The following TMEM135 variants were observed in gnomAD, a reference collection of about 807,000 sequenced individuals.
TMEM135 encodes transmembrane protein 135.
TMEM135 carries 30 observed loss-of-function variants against 60.3 expected under a neutral mutation model. That is an observed-to-expected ratio of 0.50 (90% CI 0.37 to 0.68). The LOEUF (loss-of-function observed/expected upper bound fraction) is 0.68. Ranked by LOEUF, TMEM135 falls within the 30% of genes least tolerant of loss-of-function variation. TMEM135 has a pLI of 0.00. For synonymous variants in TMEM135, 190 were observed against 186.7 expected, an observed-to-expected ratio of 1.02 and a Z score of -0.14; for missense variants, 468 against 548.8, an observed-to-expected ratio of 0.85 and a Z score of 1.47.
intron 7 of TMEM135, among the ~76,000 whole-genome samples, chr11:87,298,510 T>A (rs139745745): frequency 4.6e-5 from 7 of 152,278 alleles, no homozygotes; most frequent in Non-Finnish European, 7.4e-5. Context: ...TCCTTCAGGC[T>A]GGGCATGGTA....
Position 87,318,180 on chromosome 11 carries a change from T to C in TMEM135, c.1121T>C (p.Phe374Ser). The change falls in exon 13 of 15, where the codon TTT becomes TCT. Residue 374 changes from phenylalanine to serine, a missense_variant. Phe to Ser is a radical substitution (Grantham distance 155, BLOSUM62 -2). Transcript: ENST00000305494. ...ATTGAAGCAGGGAAGGTTCCCTATT[T>C]TCCTCATGCAGATACTATCATCTAT... ...KGIEAGKVPY[F>S]PHADTIIYSI... The C allele has an allele frequency of 6.2e-7, 1 of 1,612,968 alleles. No homozygotes were observed. The highest frequency in any genetic ancestry group is 2.2e-5 in the East Asian group (1 of 44,826).
intron 5 of TMEM135, among the ~76,000 whole-genome samples, chr11:87,165,585 C>G (rs1939013087): frequency 6.7e-6 from 1 of 149,150 alleles, no homozygotes; most frequent in Non-Finnish European, 1.5e-5. Context: ...CCCTCTTTTT[C>G]TATTGATTGG....
chr11:87,057,880 C>G (rs563448497), intron 1 of TMEM135, among the ~76,000 whole-genome samples: 18 of 151,886 alleles, frequency 1.2e-4, no homozygotes, highest in African/African-American at 4.4e-4. Flanking sequence ...ATGCCAAGAT[C>G]TGCAGTTGGC....
At chr11:87,306,486 A>T (rs1358330483) in intron 9 of TMEM135, among the ~76,000 whole-genome samples, 1 of 151,768 alleles carries the variant, frequency 6.6e-6, no homozygotes, top group African/African-American at 2.4e-5. Flanking sequence ...TTTTTAAGCC[A>T]TTGAGATAAC....
At chr11:87,249,598 C>G (rs1012879593) in intron 6 of TMEM135, among the ~76,000 whole-genome samples, 4 of 151,972 alleles carry the variant, frequency 2.6e-5, no homozygotes, top group Non-Finnish European at 5.9e-5. Context: ...TAACTTTTCT[C>G]TTAGTACTGC....
chr11:87,321,828 A>G lies in TMEM135; in HGVS notation c.*495A>G, dbSNP rs1162702795. The G allele has an allele frequency of 2.2e-6, 1 of 454,472 alleles. No homozygotes were observed. The highest frequency in any genetic ancestry group is 4.4e-6 in the Non-Finnish European group (1 of 226,756). The allele number at this position is 454,472 out of a possible 1,614,324, so 28.2% of individuals were successfully genotyped here. ...TAGTGGAATGTTATAGATTTGAAGT[A>G]ACTCTCCACGGACAGTGCTGCTTTC... On this transcript the variant is annotated 3_prime_UTR_variant, in exon 15 of 15. Transcript: ENST00000305494.
In TMEM135 at chr11:87,287,131, G is replaced by A. The variant is rs533536529; in HGVS notation, c.510-8651G>A. ...ACACTTTACTCCAATTGAATAATTT[G>A]AGGTAGATGATGTAAAATGCTGAAT... On this transcript the variant is annotated intron_variant, in intron 6 of 14. Coordinates refer to ENST00000305494, the MANE Select transcript of TMEM135 (RefSeq NM_022918.4). Among the ~76,000 whole-genome samples, 48 of 152,258 alleles carry A rather than the reference G, an allele frequency of 3.2e-4. 1 individual carries two copies. In the South Asian group the frequency reaches 7.9e-3, roughly 25 times the overall value.
At chr11:87,246,617 G>C (rs1941278070) in intron 6 of TMEM135, among the ~76,000 whole-genome samples, 1 of 151,146 alleles carries the variant, frequency 6.6e-6, no homozygotes, top group African/African-American at 2.4e-5. Flanking sequence ...TTCCATCACT[G>C]ATACCCTTTT....
chr11:87,261,213 G>A (rs1011234533), intron 6 of TMEM135, among the ~76,000 whole-genome samples: 2 of 152,012 alleles, frequency 1.3e-5, no homozygotes, highest in African/African-American at 4.8e-5. Flanking sequence ...AAGATTATCA[G>A]GTCTCTTTCC....
intron 5 of TMEM135, among the ~76,000 whole-genome samples, chr11:87,220,589 T>A (rs1012520219): frequency 6.6e-6 from 1 of 152,216 alleles, no homozygotes; most frequent in African/African-American, 2.4e-5. Context: ...TCATCTCATT[T>A]CTAACTTTGT....
At chr11:87,177,367 A>G (rs1166879464) in intron 5 of TMEM135, among the ~76,000 whole-genome samples, 1 of 152,128 alleles carries the variant, frequency 6.6e-6, no homozygotes, top group Non-Finnish European at 1.5e-5. Context: ...TGACTGTTGC[A>G]TTTAATAAGT....
At chr11:87,221,324 G>A (rs545028345) in intron 5 of TMEM135, among the ~76,000 whole-genome samples, 25 of 152,196 alleles carry the variant, frequency 1.6e-4, no homozygotes, top group African/African-American at 6.0e-4. Flanking sequence ...ATATTATTTT[G>A]GGTTTATTTA....
intron 6 of TMEM135, among the ~76,000 whole-genome samples, chr11:87,256,479 G>A (rs605262): frequency 0.65 from 98,279 of 151,952 alleles, 32,305 homozygotes; most frequent in Middle Eastern, 0.7. Flanking sequence ...GTAATATGTA[G>A]TATGATTCCT....
At chr11:87,175,236 A>G (rs77201400) in intron 5 of TMEM135, among the ~76,000 whole-genome samples, 3,179 of 152,336 alleles carry the variant, frequency 0.021, 35 homozygotes, top group South Asian at 0.032. Context: ...TCATGCCAGA[A>G]TCACATCATA....
At chr11:87,236,604 C>T (rs372775695) in intron 5 of TMEM135, 34 bp from the exon 6 acceptor site, 3 of 1,601,342 alleles carry the variant, frequency 1.9e-6, no homozygotes, top group Non-Finnish European at 2.6e-6. Context: ...TGTCAGTGTT[C>T]TTTTGCAAGT....
chr11:87,131,931 G>A (rs545598382), intron 4 of TMEM135, among the ~76,000 whole-genome samples: 27 of 151,948 alleles, frequency 1.8e-4, no homozygotes, highest in Non-Finnish European at 3.1e-4. Context: ...TCATAGGAGC[G>A]AACTCTTTTA....
At chr11:87,138,327 G>T (rs1414699907) in intron 4 of TMEM135, among the ~76,000 whole-genome samples, 2 of 152,126 alleles carry the variant, frequency 1.3e-5, no homozygotes, top group South Asian at 2.1e-4. Context: ...GTGACCTCAG[G>T]TGATCCGCCC....
intron 1 of TMEM135, among the ~76,000 whole-genome samples, chr11:87,058,969 G>A (rs951633258): frequency 2.6e-5 from 4 of 151,086 alleles, no homozygotes; most frequent in East Asian, 1.9e-4. Context: ...ACAGAGTCTC[G>A]CTCTGTCACC....
chr11:87,071,341 G>C (rs140142897), intron 2 of TMEM135, among the ~76,000 whole-genome samples, 182 bp from the exon 3 acceptor site: 5 of 152,290 alleles, frequency 3.3e-5, no homozygotes, highest in African/African-American at 9.6e-5. Flanking sequence ...GGAAAATAGA[G>C]GAGAGAGAAC....
Sources: gnomAD v4.1 joint callset for allele counts (sites outside exome capture counted in the v4.1 genomes callset) on GRCh38, gnomAD v4.1.1 for gene constraint, MANE v1.5 for transcripts, NCBI Gene and HGNC (gene_info 2026-07-23, HGNC 2026-07-21) for gene names.